The following CLEC16A variants were observed in gnomAD, a reference collection of about 807,000 sequenced individuals.
The protein encoded by CLEC16A is protein CLEC16A.
In CLEC16A, 51 loss-of-function variants were observed where a neutral mutation model predicts 109.5. The ratio of observed to expected loss-of-function variants is 0.47; its 90% CI spans 0.37 to 0.59. The LOEUF (loss-of-function observed/expected upper bound fraction) is 0.59. CLEC16A is among the 20% of genes least tolerant of loss of function. CLEC16A has a pLI of 0.00. For synonymous variants in CLEC16A, 673 were observed against 564.2 expected, an observed-to-expected ratio of 1.19 and a Z score of -2.73; for missense variants, 1,339 against 1,394.0, an observed-to-expected ratio of 0.96 and a Z score of 0.63.
At chr16:11,123,180 G>T (rs544394744) in intron 20 of CLEC16A, among the ~76,000 whole-genome samples, 33 of 152,068 alleles carry the variant, frequency 2.2e-4, no homozygotes, top group Non-Finnish European at 3.8e-4. Flanking sequence ...GGAATTATAG[G>T]CGTGAGCCAC....
chr16:10,962,650 C>T (rs900702635), intron 3 of CLEC16A, 62 bp downstream of exon 3: 16 of 1,583,724 alleles, frequency 1.0e-5, no homozygotes, highest in East Asian at 6.7e-5. Context: ...TGAAGTTGGG[C>T]GTGGTTTTCT....
intron 10 of CLEC16A, among the ~76,000 whole-genome samples, chr16:10,983,610 A>G (rs959574542): frequency 6.6e-5 from 10 of 152,180 alleles, no homozygotes; most frequent in African/African-American, 2.4e-4. Context: ...TCCATTTGGT[A>G]CACTGCTGAG....
chr16:11,157,188 G>A (rs952497423), intron 22 of CLEC16A: 44 of 1,255,008 alleles, frequency 3.5e-5, no homozygotes, highest in Non-Finnish European at 3.8e-5. Context: ...CATGTTATCC[G>A]TTGAAAAGCA....
At chr16:11,007,530 C>G (rs2045101559) in intron 11 of CLEC16A, among the ~76,000 whole-genome samples, 1 of 152,198 alleles carries the variant, frequency 6.6e-6, no homozygotes, top group Admixed American at 6.5e-5. Flanking sequence ...CACTTCTCCA[C>G]CTATAGAGGG....
At chr16:11,003,838 AATG>A (rs1241320002) in intron 11 of CLEC16A, among the ~76,000 whole-genome samples, 4 of 152,004 alleles carry the variant, frequency 2.6e-5, no homozygotes, top group African/African-American at 9.7e-5. Context: ...TGTTTAATGA[AATG>A]ATATGCTTGT....
At chr16:10,967,574 A>G (rs942208774) in intron 3 of CLEC16A, among the ~76,000 whole-genome samples, 1 of 152,160 alleles carries the variant, frequency 6.6e-6, no homozygotes, top group African/African-American at 2.4e-5. Flanking sequence ...TAGTAATAAT[A>G]ATAAGAAGAA....
chr16:11,119,816 T>C (rs929094411), intron 19 of CLEC16A, among the ~76,000 whole-genome samples: 2 of 152,200 alleles, frequency 1.3e-5, no homozygotes, highest in East Asian at 3.8e-4. Context: ...AGGAATTGCA[T>C]TGAATGTGTA....
At chr16:10,953,838 G>A (rs530708174) in intron 1 of CLEC16A, among the ~76,000 whole-genome samples, 27 of 152,262 alleles carry the variant, frequency 1.8e-4, no homozygotes, top group Non-Finnish European at 2.4e-4. Flanking sequence ...TTAGCCGAGC[G>A]TGCTGGCGGG....
At chr16:11,093,907 G>A (rs543408873) in intron 19 of CLEC16A, among the ~76,000 whole-genome samples, 1 of 152,324 alleles carries the variant, frequency 6.6e-6, no homozygotes, top group East Asian at 1.9e-4. Context: ...TGAGAGGACA[G>A]TGACCCAAGC....
chr16:11,134,960 A>G (rs545548629), intron 22 of CLEC16A, among the ~76,000 whole-genome samples: 1 of 152,354 alleles, frequency 6.6e-6, no homozygotes, highest in Admixed American at 6.5e-5. Flanking sequence ...TTCAAGGACA[A>G]ACCTGCAAAG....
At chr16:11,095,289 A>T (rs1265555563) in intron 19 of CLEC16A, among the ~76,000 whole-genome samples, 2 of 152,182 alleles carry the variant, frequency 1.3e-5, no homozygotes, top group East Asian at 1.9e-4. Context: ...AAAAGAAAAA[A>T]GGCTGTGCAG....
In CLEC16A at chr16:11,003,226, G is replaced by C. The variant is rs2044775111; in HGVS notation, c.1224G>C (p.Glu408Asp). ...EEEDEEKGPT[E>D]DAQEDAEKAK... ...AAGATGAGGAGAAAGGGCCCACCGA[G>C]GATGCCCAAGAAGACGCCGAGAAGG... Residue 408 changes from glutamate (E) to aspartate (D), a missense_variant, in exon 11 of 24, where the codon GAG becomes GAC. Coordinates refer to ENST00000409790, the MANE Select transcript of CLEC16A (RefSeq NM_015226.3). 1 of 1,613,438 alleles carries C rather than the reference G, an allele frequency of 6.2e-7. No homozygotes were observed. The highest frequency in any genetic ancestry group is 1.7e-5 in the Admixed American group (1 of 60,012).
chr16:11,016,137 T>C (rs2045730381), intron 11 of CLEC16A, among the ~76,000 whole-genome samples: 1 of 113,916 alleles, frequency 8.8e-6, no homozygotes, highest in Non-Finnish European at 2.0e-5. Context: ...ACAAAATAGA[T>C]TTTAAAAGAT....
At chr16:11,091,711 C>T (rs1467644735) in intron 19 of CLEC16A, among the ~76,000 whole-genome samples, 1 of 152,164 alleles carries the variant, frequency 6.6e-6, no homozygotes, top group Non-Finnish European at 1.5e-5. Context: ...GGAAAATTGT[C>T]AGGAAAGCTT....
chr16:11,145,945 C>T (rs761197799), intron 22 of CLEC16A, among the ~76,000 whole-genome samples: 1 of 152,222 alleles, frequency 6.6e-6, no homozygotes, highest in East Asian at 1.9e-4. Flanking sequence ...CTTCCTGACA[C>T]TAACCTCACC....
chr16:11,060,850 T>G, intron 18 of CLEC16A, 52 bp from the exon 19 acceptor site: 3 of 1,490,094 alleles, frequency 2.0e-6, no homozygotes, highest in Non-Finnish European at 2.7e-6. Flanking sequence ...GGCATCTCAC[T>G]GAAATGACTC....
intron 11 of CLEC16A, among the ~76,000 whole-genome samples, chr16:11,007,629 C>A (rs1233842238): frequency 6.6e-6 from 1 of 152,220 alleles, no homozygotes; most frequent in African/African-American, 2.4e-5. Context: ...TTTCTACGAA[C>A]CCTGGCCAAG....
chr16:11,045,390 C>G lies in CLEC16A; in HGVS notation c.1815+1318C>G, dbSNP rs117364189. On this transcript the variant is annotated intron_variant, in intron 16 of 23. Transcript: ENST00000409790. The stretch of plus-strand genomic sequence containing the variant: ...AATTTACTTCTGTCAGTTTTGGAGG[C>G]TGGGAAGTCTAAGATCAAGGCAGAT... Among the ~76,000 whole-genome samples, 73 of 152,244 alleles carry G rather than the reference C, an allele frequency of 4.8e-4. 1 individual carries two copies. In the East Asian group the frequency reaches 0.013, roughly 27 times the overall value.
At chr16:10,964,298 C>T (rs1162378605) in intron 3 of CLEC16A, among the ~76,000 whole-genome samples, 1 of 152,242 alleles carries the variant, frequency 6.6e-6, no homozygotes, top group African/African-American at 2.4e-5. Context: ...CCCTTGTTAC[C>T]AGCGCCTGTT....
Sources: gnomAD v4.1 joint callset for allele counts (sites outside exome capture counted in the v4.1 genomes callset) on GRCh38, gnomAD v4.1.1 for gene constraint, MANE v1.5 for transcripts, NCBI Gene and HGNC (gene_info 2026-07-23, HGNC 2026-07-21) for gene names.